FAM135B: variants seen among roughly 807,000 people sequenced by gnomAD.
FAM135B encodes the protein protein FAM135B.
In FAM135B, 43 loss-of-function variants were observed where a neutral mutation model predicts 127.7. The observed-to-expected ratio is 0.34, with a 90% CI of 0.26 to 0.43. FAM135B has a LOEUF of 0.43. Among genes scored for constraint, FAM135B ranks in the 20% least tolerant of loss-of-function variants. The pLI is 1.00. For synonymous variants in FAM135B, 670 were observed against 665.1 expected (o/e 1.01, Z -0.11); for missense variants, 1,558 against 1,725.6 (o/e 0.90, Z 1.72).
Position 138,132,913 on chromosome 8 carries a change from G to C in FAM135B, c.4016-115C>G, listed in dbSNP as rs1195974242. 6 of 818,772 alleles carry C rather than the reference G, an allele frequency of 7.3e-6. No homozygotes were observed. Among genetic ancestry groups the C allele is most frequent in the Non-Finnish European group, 1.2e-5 (6 of 486,682 alleles). 50.7% of individuals were successfully genotyped at this position (818,772 alleles called of 1,614,324 possible). On this transcript the variant is annotated intron_variant, in intron 19 of 19. Transcript: ENST00000395297. This position sits in a 1 kb window ranked among gnomAD's most constrained non-coding sequence, Gnocchi z 4.5. ...TCCTGGGCAGACCTGTTATACAGCA[G>C]TTTCCAACCTCTTCCTAATGTTAGT...
chr8:138,467,450 T>C (rs1448840603), intron 1 of FAM135B, among the ~76,000 whole-genome samples: 1 of 152,236 alleles, frequency 6.6e-6, no homozygotes, highest in Non-Finnish European at 1.5e-5. Flanking sequence ...ACATTTCAAG[T>C]GTTCGGTAAC....
chr8:138,218,211 AG>A (rs2129984434), intron 7 of FAM135B, among the ~76,000 whole-genome samples: 1 of 152,348 alleles, frequency 6.6e-6, no homozygotes, highest in South Asian at 2.1e-4. Context: ...ATATGAGCAA[AG>A]ATAGAAATAA....
intron 3 of FAM135B, among the ~76,000 whole-genome samples, chr8:138,300,298 G>A (rs930719796): frequency 2.0e-5 from 3 of 151,772 alleles, no homozygotes; most frequent in African/African-American, 7.3e-5. Context: ...AATACTCATG[G>A]TTAAAAACGA....
At chr8:138,289,195 C>T (rs906509661) in intron 3 of FAM135B, among the ~76,000 whole-genome samples, 2 of 152,186 alleles carry the variant, frequency 1.3e-5, no homozygotes, top group African/African-American at 4.8e-5. Flanking sequence ...GAGATTCTTG[C>T]AGACAGGTTG....
intron 1 of FAM135B, among the ~76,000 whole-genome samples, chr8:138,380,498 T>C (rs540699623): frequency 6.6e-6 from 1 of 152,142 alleles, no homozygotes; most frequent in Non-Finnish European, 1.5e-5. Context: ...CTGGCCACTA[T>C]ATAGGTTTTA....
intron 1 of FAM135B, among the ~76,000 whole-genome samples, chr8:138,480,213 T>C (rs1814720427): frequency 6.6e-6 from 1 of 152,226 alleles, no homozygotes; most frequent in Non-Finnish European, 1.5e-5. Context: ...AAGAGAGGGC[T>C]GGAGAGAAGT....
At chr8:138,390,986 C>T (rs1429692112) in intron 1 of FAM135B, among the ~76,000 whole-genome samples, 1 of 152,158 alleles carries the variant, frequency 6.6e-6, no homozygotes, top group Non-Finnish European at 1.5e-5. Context: ...TCCAGGTACA[C>T]AGAGGATGAA....
chr8:138,490,404 C>A (rs1424411962), intron 1 of FAM135B, among the ~76,000 whole-genome samples: 1 of 152,200 alleles, frequency 6.6e-6, no homozygotes, highest in South Asian at 2.1e-4. Flanking sequence ...ACACAGGGAC[C>A]TGCAGGGCCC....
intron 12 of FAM135B, among the ~76,000 whole-genome samples, chr8:138,158,388 T>G (rs1235093163): frequency 6.6e-6 from 1 of 152,178 alleles, no homozygotes; most frequent in African/African-American, 2.4e-5. Flanking sequence ...GACATAGACA[T>G]GTGCAAGGAC....
At chr8:138,198,300 G>T (rs1003504405) in intron 7 of FAM135B, among the ~76,000 whole-genome samples, 8 of 152,184 alleles carry the variant, frequency 5.3e-5, no homozygotes, top group Non-Finnish European at 1.0e-4. Context: ...TAGCCATGTG[G>T]AACTGTGAGT....
At chr8:138,318,375 T>C (rs957444614) in intron 2 of FAM135B, among the ~76,000 whole-genome samples, 4 of 152,246 alleles carry the variant, frequency 2.6e-5, no homozygotes, top group Admixed American at 6.5e-5. Context: ...TGCCAGGGGC[T>C]ATGCATCCCT....
At chr8:138,470,769 A>C (rs1416195836) in intron 1 of FAM135B, among the ~76,000 whole-genome samples, 1 of 152,234 alleles carries the variant, frequency 6.6e-6, no homozygotes, top group African/African-American at 2.4e-5. Context: ...CTTTGTTAGG[A>C]GTCCCCCTTC....
intron 9 of FAM135B, among the ~76,000 whole-genome samples, chr8:138,194,581 C>G (rs1342159078): frequency 6.6e-6 from 1 of 152,202 alleles, no homozygotes; most frequent in African/African-American, 2.4e-5. Flanking sequence ...ACTGGTTTAA[C>G]AGACAGAGGT....
rs112301884 is a variant in FAM135B, at chr8:138,445,318, T to C, written c.-20+51353A>G. On this transcript the variant is annotated intron_variant, in intron 1 of 19. Coordinates refer to ENST00000395297, the MANE Select transcript of FAM135B (RefSeq NM_015912.4). ...ACTCATTTTATGAGGCCAGCATCAT[T>C]CTGATACCAAAGCCTGGCAGAGACA... is the stretch of plus-strand genomic sequence containing the variant. Among the ~76,000 whole-genome samples the C allele has an allele frequency of 1.7e-4, 26 of 152,122 alleles. No individual in the cohort carries two copies. The East Asian group carries it at 2.5e-3, about 15-fold the overall frequency.
chr8:138,226,182 T>TGTGC (rs1411289430), intron 7 of FAM135B, among the ~76,000 whole-genome samples: 1 of 118,408 alleles, frequency 8.4e-6, no homozygotes, highest in African/African-American at 3.1e-5. Context: ...TGTGTGTGTG[T>TGTGC]GTGCGCGCAT....
At chr8:138,365,980 A>C (rs1193208402) in intron 2 of FAM135B, among the ~76,000 whole-genome samples, 1 of 152,130 alleles carries the variant, frequency 6.6e-6, no homozygotes, top group Non-Finnish European at 1.5e-5. Context: ...TCACCAAAGC[A>C]ATTGTAAATA....
chr8:138,282,435 A>C (rs987230066), intron 3 of FAM135B, among the ~76,000 whole-genome samples: 1 of 152,236 alleles, frequency 6.6e-6, no homozygotes. Flanking sequence ...CATATTTGAT[A>C]ATGGAATGTT....
At position 138,485,919 on chromosome 8, in the gene FAM135B, G is replaced by C. The variant is rs549201598; in HGVS notation, c.-20+10752C>G. Among the ~76,000 whole-genome samples, 7 of 152,178 alleles carry C rather than the reference G, an allele frequency of 4.6e-5. No individual in the cohort carries two copies. The South Asian group carries it at 1.2e-3, about 27-fold the overall frequency. On this transcript the variant is annotated intron_variant, in intron 1 of 19. Coordinates refer to ENST00000395297, the MANE Select transcript of FAM135B (RefSeq NM_015912.4). ...TATGTGAGTGAGTGTGTGGCTAAGG[G>C]GAGTAGAAGAAAAGCTATCTGAGTA...
At chr8:138,233,820 CA>C (rs1339888324) in intron 7 of FAM135B, among the ~76,000 whole-genome samples, 1 of 151,964 alleles carries the variant, frequency 6.6e-6, no homozygotes, top group African/African-American at 2.4e-5. Context: ...AATTCAACAA[CA>C]ACAACAACAA....
Sources: gnomAD v4.1 joint callset for allele counts (sites outside exome capture counted in the v4.1 genomes callset) on GRCh38, gnomAD v4.1.1 for gene constraint, Gnocchi (gnomAD v3.1) non-coding constraint, MANE v1.5 for transcripts, NCBI Gene and HGNC (gene_info 2026-07-23, HGNC 2026-07-21) for gene names.